The following SUPT3H variants were observed in gnomAD, a reference collection of about 807,000 sequenced individuals.
SUPT3H encodes the protein transcription initiation protein SPT3 homolog.
SUPT3H carries 44 observed loss-of-function variants against 44.3 expected under a neutral mutation model. The ratio of observed to expected loss-of-function variants is 0.99; its 90% CI spans 0.78 to 1.28. The LOEUF (loss-of-function observed/expected upper bound fraction) is 1.28, where lower values mean the gene tolerates loss of function less well. Among genes scored for constraint, SUPT3H ranks in the 50% most tolerant of loss-of-function variants. SUPT3H has a pLI of 0.00. For synonymous variants in SUPT3H, 124 were observed against 125.6 expected, an observed-to-expected ratio of 0.99 and a Z score of 0.09; for missense variants, 380 against 387.1, an observed-to-expected ratio of 0.98 and a Z score of 0.15.
chr6:44,843,564 G>C (rs1292428678), intron 10 of SUPT3H, among the ~76,000 whole-genome samples: 1 of 151,394 alleles, frequency 6.6e-6, no homozygotes, highest in Non-Finnish European at 1.5e-5. Flanking sequence ...ATCAACACCA[G>C]AAAAAAATAA....
At chr6:45,305,637 T>C (rs1684149403) in intron 2 of SUPT3H, among the ~76,000 whole-genome samples, 1 of 152,196 alleles carries the variant, frequency 6.6e-6, no homozygotes, top group African/African-American at 2.4e-5. Flanking sequence ...ATATACCACA[T>C]TGCTATTAGA....
intron 6 of SUPT3H, 27 bp downstream of exon 6, chr6:45,003,626 C>G (rs781000824): frequency 6.2e-7 from 1 of 1,608,312 alleles, no homozygotes; most frequent in Non-Finnish European, 8.5e-7. Context: ...TGTTCTATTT[C>G]TGTAAAAAGG....
At chr6:44,972,989 T>G (rs1438350662) in intron 6 of SUPT3H, among the ~76,000 whole-genome samples, 4 of 152,156 alleles carry the variant, frequency 2.6e-5, no homozygotes, top group Admixed American at 6.5e-5. Context: ...TTCCCCTGTT[T>G]TGGCAATTAA....
intron 10 of SUPT3H, among the ~76,000 whole-genome samples, chr6:44,869,522 T>C (rs1377082656): frequency 6.6e-6 from 1 of 152,222 alleles, no homozygotes; most frequent in Non-Finnish European, 1.5e-5. Flanking sequence ...ACTCCTAATA[T>C]GCCCAGACAA....
chr6:45,236,378 G>T (rs1044959987), intron 2 of SUPT3H, among the ~76,000 whole-genome samples: 3 of 152,024 alleles, frequency 2.0e-5, no homozygotes, highest in Non-Finnish European at 4.4e-5. Flanking sequence ...GAAGCATCAG[G>T]GTAACAATGG....
chr6:45,326,156 AAAG>A (rs1481854981), intron 2 of SUPT3H, among the ~76,000 whole-genome samples: 3 of 151,898 alleles, frequency 2.0e-5, no homozygotes, highest in African/African-American at 7.2e-5. Context: ...AAGTTTACAT[AAAG>A]AAGATTTTAA....
intron 3 of SUPT3H, among the ~76,000 whole-genome samples, chr6:45,047,524 A>C (rs1789586498): frequency 6.6e-6 from 1 of 152,198 alleles, no homozygotes. Flanking sequence ...GCCCATACAA[A>C]CAACTATTTT....
chr6:45,025,116 ATACT>A (rs1388079514), intron 3 of SUPT3H, among the ~76,000 whole-genome samples: 2 of 152,212 alleles, frequency 1.3e-5, no homozygotes, highest in African/African-American at 4.8e-5. Context: ...ACACTCACAC[ATACT>A]TACTGCCGGT....
At chr6:45,069,193 G>C (rs1257817793) in intron 3 of SUPT3H, among the ~76,000 whole-genome samples, 1 of 152,056 alleles carries the variant, frequency 6.6e-6, no homozygotes, top group Non-Finnish European at 1.5e-5. Context: ...GGTAGTAAAA[G>C]AAGATAACAG....
chr6:45,184,338 T>TA (rs1813800644), intron 2 of SUPT3H, among the ~76,000 whole-genome samples: 1 of 152,200 alleles, frequency 6.6e-6, no homozygotes, highest in South Asian at 2.1e-4. Flanking sequence ...CTCCTTTTTT[T>TA]ATAGGAAAAT....
rs367669852 is a variant in SUPT3H, at chr6:45,133,458, G to A, written c.102-27452C>T. 2.0e-5 allele frequency among the ~76,000 whole-genome samples: 3 copies of A among 152,142 alleles called. No homozygotes were observed. The East Asian group carries it at 5.8e-4, about 29-fold the overall frequency. On this transcript the variant is annotated intron_variant, in intron 2 of 10. Transcript: ENST00000371459. ...GTAGAACTGAAAATAAACCATACCA[G>A]ATACTTAGTTAAAATGCTAAGATTG...
intron 3 of SUPT3H, among the ~76,000 whole-genome samples, chr6:45,077,094 C>T (rs1795092484): frequency 6.6e-6 from 1 of 152,118 alleles, no homozygotes; most frequent in South Asian, 2.1e-4. Flanking sequence ...CAGATACCAC[C>T]ACTTCCAATA....
At chr6:45,324,615 TAGAG>T (rs1554344676) in intron 2 of SUPT3H, among the ~76,000 whole-genome samples, 1 of 150,144 alleles carries the variant, frequency 6.7e-6, no homozygotes, top group Non-Finnish European at 1.5e-5. Flanking sequence ...GAGAGATTGG[TAGAG>T]AGAGAGAGAT....
chr6:45,225,243 C>T (rs1322298331), intron 2 of SUPT3H, among the ~76,000 whole-genome samples: 1 of 148,558 alleles, frequency 6.7e-6, no homozygotes, highest in African/African-American at 2.5e-5. Context: ...TTAGCTACTG[C>T]ACTCCAGCCT....
intron 10 of SUPT3H, among the ~76,000 whole-genome samples, chr6:44,901,453 C>G (rs539807388): frequency 6.6e-6 from 1 of 151,802 alleles, no homozygotes; most frequent in Non-Finnish European, 1.5e-5. Flanking sequence ...TGAAATGAAG[C>G]GAGAAGAGAA....
intron 10 of SUPT3H, among the ~76,000 whole-genome samples, chr6:44,920,566 A>G (rs1415339176): frequency 2.6e-5 from 1 of 38,730 alleles, no homozygotes; most frequent in African/African-American, 8.7e-5. Flanking sequence ...TGTTTCTTTC[A>G]AAAAAAAAAA....
intron 3 of SUPT3H, among the ~76,000 whole-genome samples, chr6:45,075,769 C>T (rs921488687): frequency 6.7e-6 from 1 of 149,742 alleles, no homozygotes; most frequent in South Asian, 2.1e-4. Flanking sequence ...ATTTTTAATT[C>T]TTCCAAGTTC....
At chr6:44,820,245 A>C (rs1767204116) in intron 11 of SUPT3H, among the ~76,000 whole-genome samples, 1 of 152,192 alleles carries the variant, frequency 6.6e-6, no homozygotes, top group South Asian at 2.1e-4. Context: ...ACATCAAATA[A>C]AATTTGACAT....
intron 2 of SUPT3H, among the ~76,000 whole-genome samples, chr6:45,116,874 G>A (rs866686056): frequency 6.6e-6 from 1 of 152,144 alleles, no homozygotes. Context: ...CCCATTTACA[G>A]TCAGTCCTAT....
Sources: allele counts gnomAD v4.1 joint callset (sites outside exome capture counted in the v4.1 genomes callset), GRCh38; gene constraint gnomAD v4.1.1; transcripts MANE v1.5; gene names NCBI Gene and HGNC (gene_info 2026-07-23, HGNC 2026-07-21).